The following SHLD1 variants were observed in gnomAD, a reference collection of about 807,000 sequenced individuals.
SHLD1 encodes the protein RINN1-REV7-interacting novel NHEJ regulator 3.
A neutral mutation model predicts 5.5 loss-of-function variants in SHLD1; 3 were observed. That is an observed-to-expected ratio of 0.54 (90% CI 0.25 to 1.40). The LOEUF (loss-of-function observed/expected upper bound fraction) is 1.40, where lower values mean the gene tolerates loss of function less well. SHLD1 is among the 40% of genes most tolerant of loss of function. SHLD1 has a pLI of 0.15. For missense variants in SHLD1, 210 were observed against 244.4 expected, an observed-to-expected ratio of 0.86 and a Z score of 0.94; for synonymous variants, 92 against 94.3, an observed-to-expected ratio of 0.98 and a Z score of 0.14.
intron 1 of SHLD1, among the ~76,000 whole-genome samples, 156 bp downstream of exon 1, chr20:5,750,635 G>C (rs1213133220): frequency 1.3e-5 from 2 of 152,052 alleles, no homozygotes; most frequent in Admixed American, 1.3e-4. Flanking sequence ...CCCAACACAC[G>C]GTGTCTGCAG....
intron 2 of SHLD1, among the ~76,000 whole-genome samples, chr20:5,805,885 GC>G (rs1161000174): frequency 2.0e-5 from 3 of 152,192 alleles, no homozygotes; most frequent in African/African-American, 7.2e-5. Flanking sequence ...ATAGACATGA[GC>G]CACTGCGCCT....
At chr20:5,823,802 A>G (rs1277625729) in intron 2 of SHLD1, among the ~76,000 whole-genome samples, 1 of 152,096 alleles carries the variant, frequency 6.6e-6, no homozygotes, top group Non-Finnish European at 1.5e-5. Flanking sequence ...GCTGCATTCA[A>G]AGCCATCCTG....
intron 2 of SHLD1, among the ~76,000 whole-genome samples, chr20:5,847,252 A>G (rs1024331409): frequency 6.6e-6 from 1 of 152,210 alleles, no homozygotes; most frequent in African/African-American, 2.4e-5. Flanking sequence ...TCATCTGGAA[A>G]ATAAGACACA....
chr20:5,756,467 T>C (rs530879251), intron 1 of SHLD1, among the ~76,000 whole-genome samples: 1 of 152,294 alleles, frequency 6.6e-6, no homozygotes, highest in South Asian at 2.1e-4. Flanking sequence ...GTTTTCAGTA[T>C]ACATCTTACA....
At chr20:5,770,279 C>T (rs1031082872) in intron 1 of SHLD1, among the ~76,000 whole-genome samples, 3 of 152,074 alleles carry the variant, frequency 2.0e-5, no homozygotes, top group Non-Finnish European at 4.4e-5. Context: ...AAGTTGTAGG[C>T]GATTTTAAGC....
At chr20:5,756,726 TTGTAGCCCAAGCTGGA>T (rs1984132217) in intron 1 of SHLD1, 1 of 209,400 alleles carries the variant, frequency 4.8e-6, no homozygotes, top group Non-Finnish European at 9.9e-6. Flanking sequence ...AGTCTCACTC[TTGTAGCCCAAGCTGGA>T]GTACAATGAC....
intron 2 of SHLD1, among the ~76,000 whole-genome samples, chr20:5,853,672 G>T (rs945744951): frequency 4.6e-5 from 7 of 152,000 alleles, no homozygotes; most frequent in Non-Finnish European, 8.8e-5. Context: ...GTCCAGGGTT[G>T]GGCTGCTGTC....
intron 2 of SHLD1, among the ~76,000 whole-genome samples, chr20:5,784,676 G>T (rs375273866): frequency 0.013 from 1,964 of 151,890 alleles, 27 homozygotes; most frequent in African/African-American, 0.041. Flanking sequence ...GGTCTCGATC[G>T]CCTGACCTTG....
chr20:5,796,541 A>G (rs904146549), intron 2 of SHLD1, among the ~76,000 whole-genome samples: 3 of 151,928 alleles, frequency 2.0e-5, no homozygotes, highest in Non-Finnish European at 4.4e-5. Flanking sequence ...AAGGGGGGAG[A>G]TGAGGCCGGG....
chr20:5,796,917 A>C (rs974022887), intron 2 of SHLD1, among the ~76,000 whole-genome samples: 1 of 152,084 alleles, frequency 6.6e-6, no homozygotes, highest in Admixed American at 6.6e-5. Flanking sequence ...GTAAATCGGC[A>C]TATCACTTTT....
chr20:5,862,680 C>G (rs539853506), intron 2 of SHLD1, among the ~76,000 whole-genome samples: 22 of 152,308 alleles, frequency 1.4e-4, no homozygotes, highest in Admixed American at 1.0e-3. Flanking sequence ...TGCCTACATT[C>G]ATCATGGGAG....
At chr20:5,808,546 G>A (rs1290339237) in intron 2 of SHLD1, among the ~76,000 whole-genome samples, 1 of 152,114 alleles carries the variant, frequency 6.6e-6, no homozygotes, top group Non-Finnish European at 1.5e-5. Flanking sequence ...GTTGGTACAT[G>A]TAGCTCTCTC....
At chr20:5,802,749 T>G (rs2087311999) in intron 2 of SHLD1, among the ~76,000 whole-genome samples, 1 of 151,876 alleles carries the variant, frequency 6.6e-6, no homozygotes, top group African/African-American at 2.4e-5. Flanking sequence ...TGGGCTCAGG[T>G]GATCTTCCCA....
intron 2 of SHLD1, among the ~76,000 whole-genome samples, chr20:5,844,679 A>T (rs1255143012): frequency 6.6e-6 from 1 of 151,552 alleles, no homozygotes; most frequent in African/African-American, 2.4e-5. Context: ...AGCTATTGGT[A>T]AGGCTGATGT....
At chr20:5,764,139 A>AAAAATATATATATATATATATATATAT (rs1555768309) in intron 1 of SHLD1, among the ~76,000 whole-genome samples, 1 of 95,728 alleles carries the variant, frequency 1.0e-5, no homozygotes, top group African/African-American at 4.8e-5. Flanking sequence ...AAAAAAAAAA[A>AAAAATATATATATATATATATATATAT]ATATATATAT....
intron 2 of SHLD1, among the ~76,000 whole-genome samples, chr20:5,854,972 C>G (rs2088063401): frequency 6.6e-6 from 1 of 150,792 alleles, no homozygotes; most frequent in Non-Finnish European, 1.5e-5. Context: ...CTCCTGGACT[C>G]AAGTGATCCT....
intron 2 of SHLD1, among the ~76,000 whole-genome samples, chr20:5,795,654 G>A (rs1247480965): frequency 2.1e-5 from 3 of 141,858 alleles, no homozygotes; most frequent in South Asian, 2.3e-4. Context: ...TAACTACACA[G>A]AACAAATAGA....
At chr20:5,798,926 G>A (rs1370865341) in intron 2 of SHLD1, among the ~76,000 whole-genome samples, 1 of 152,178 alleles carries the variant, frequency 6.6e-6, no homozygotes, top group Non-Finnish European at 1.5e-5. Context: ...GCTCATGCCT[G>A]TAATCCCCAT....
intron 1 of SHLD1, among the ~76,000 whole-genome samples, chr20:5,762,532 A>G (rs898459896): frequency 2.0e-5 from 3 of 152,108 alleles, no homozygotes; most frequent in Non-Finnish European, 4.4e-5. Flanking sequence ...TTTAATAACA[A>G]AAATGTTAGT....
Sources: gnomAD v4.1 joint callset for allele counts (sites outside exome capture counted in the v4.1 genomes callset) on GRCh38, gnomAD v4.1.1 for gene constraint, MANE v1.5 for transcripts, NCBI Gene and HGNC (gene_info 2026-07-23, HGNC 2026-07-21) for gene names.